The following DGKB variants were observed in gnomAD, a reference collection of about 807,000 sequenced individuals.
DGKB encodes the protein diacylglycerol kinase beta.
A neutral mutation model predicts 114.3 loss-of-function variants in DGKB; 67 were observed. That is an observed-to-expected ratio of 0.59 (90% CI 0.48 to 0.72). The LOEUF is 0.72. DGKB is among the 30% of genes least tolerant of loss of function. The probability of loss-of-function intolerance (pLI) is 0.00; values close to 1 mark genes in which losing one functional copy is unlikely to be tolerated. For missense variants in DGKB, 907 were observed against 975.2 expected (o/e 0.93, Z 0.93); for synonymous variants, 398 against 323.1 (o/e 1.23, Z -2.49).
At chr7:14,523,507 C>G (rs1217631610) in intron 20 of DGKB, among the ~76,000 whole-genome samples, 1 of 152,110 alleles carries the variant, frequency 6.6e-6, no homozygotes, top group African/African-American at 2.4e-5. Flanking sequence ...GTCTTCCATA[C>G]AGTAAGCTCA....
intron 17 of DGKB, among the ~76,000 whole-genome samples, chr7:14,589,132 G>T (rs1460281683): frequency 2.6e-5 from 4 of 151,802 alleles, no homozygotes; most frequent in Admixed American, 2.6e-4. Flanking sequence ...ATTCTTCGTT[G>T]TTTTGTGGTT....
In DGKB at chr7:14,651,249, A is replaced by G. The variant is rs545139282; in HGVS notation, c.1135-20981T>C. Among the ~76,000 whole-genome samples, 50 of 152,342 alleles carry G rather than the reference A, an allele frequency of 3.3e-4. No individual in the cohort carries two copies. The East Asian group carries it at 3.9e-3, about 12-fold the overall frequency. On this transcript the variant is annotated intron_variant, in intron 13 of 25. Coordinates refer to ENST00000402815, the MANE Select transcript of DGKB (RefSeq NM_001350709.2). Reference sequence around the variant, plus strand: ...TGAACATTGATGCAAAAAATCCTCAATAAAATACTGGCAAACCGAATCCAG... The same window carrying G: ...TGAACATTGATGCAAAAAATCCTCAGTAAAATACTGGCAAACCGAATCCAG...
In DGKB at chr7:14,145,726, G is replaced by C. The variant is rs981580184; in HGVS notation, c.*3405C>G. On this transcript the variant is annotated 3_prime_UTR_variant, in exon 26 of 26. Transcript: ENST00000402815. ...CCTGCCTCTGTCTCCCAAAGTGCTGGGATTACAGGCGTAAGCCATTGCGCC... is the reference window on the plus strand; with the variant it reads ...CCTGCCTCTGTCTCCCAAAGTGCTGCGATTACAGGCGTAAGCCATTGCGCC... 8 of 152,114 alleles carry C rather than the reference G, an allele frequency of 5.3e-5. No individual in the cohort carries two copies. The highest frequency in any genetic ancestry group is 1.9e-4 in the African/African-American group (8 of 41,408). 9.4% of individuals were successfully genotyped at this position (152,114 alleles called of 1,614,324 possible).
intron 1 of DGKB, among the ~76,000 whole-genome samples, chr7:14,841,679 CAATTTTTTAA>C (rs1225975272): frequency 2.0e-5 from 3 of 152,024 alleles, no homozygotes; most frequent in Non-Finnish European, 4.4e-5. Context: ...CAGTCTGTAC[CAATTTTTTAA>C]TATGTAAACA....
chr7:14,500,740 G>A (rs1786038321), intron 20 of DGKB, among the ~76,000 whole-genome samples: 1 of 151,812 alleles, frequency 6.6e-6, no homozygotes, highest in South Asian at 2.1e-4. Flanking sequence ...GAAGCTCAAA[G>A]GACCTTATGG....
At chr7:14,726,060 A>C (rs1829980670) in intron 5 of DGKB, among the ~76,000 whole-genome samples, 1 of 152,198 alleles carries the variant, frequency 6.6e-6, no homozygotes, top group Non-Finnish European at 1.5e-5. Context: ...ATCTAAGAAA[A>C]CAGAGGAGAG....
intron 1 of DGKB, among the ~76,000 whole-genome samples, chr7:14,917,449 C>T (rs1035766317): frequency 1.3e-5 from 2 of 151,910 alleles, no homozygotes; most frequent in East Asian, 3.9e-4. Context: ...GAGGTCATCA[C>T]TGATCCCATT....
At chr7:14,209,113 C>T (rs1475656608) in intron 23 of DGKB, 1 of 187,486 alleles carries the variant, frequency 5.3e-6, no homozygotes, top group East Asian at 1.7e-4. Context: ...GAGTGGGAAA[C>T]AAGCAGTCCT....
At chr7:14,239,407 G>A (rs966277386) in intron 23 of DGKB, among the ~76,000 whole-genome samples, 12 of 151,810 alleles carry the variant, frequency 7.9e-5, no homozygotes, top group Admixed American at 7.9e-4. Context: ...AAAACAGCTC[G>A]CTACTGTTTG....
chr7:14,616,158 G>T (rs1162816756), intron 15 of DGKB, among the ~76,000 whole-genome samples: 1 of 148,710 alleles, frequency 6.7e-6, no homozygotes, highest in Non-Finnish European at 1.5e-5. Flanking sequence ...ATTTACATTA[G>T]TATTTCCTAC....
chr7:14,725,237 C>T (rs1406431828), intron 5 of DGKB, among the ~76,000 whole-genome samples: 1 of 152,106 alleles, frequency 6.6e-6, no homozygotes, highest in African/African-American at 2.4e-5. Context: ...ATAAAATTAA[C>T]TACCTATGTC....
chr7:14,184,488 G>T (rs1375227689), intron 23 of DGKB, among the ~76,000 whole-genome samples: 1 of 152,130 alleles, frequency 6.6e-6, no homozygotes, highest in African/African-American at 2.4e-5. Context: ...AGCTGTGTGA[G>T]GCCTGTGACT....
At chr7:14,494,695 A>G (rs10236653) in intron 20 of DGKB, among the ~76,000 whole-genome samples, 82,294 of 151,704 alleles carry the variant, frequency 0.54, 22,892 homozygotes, top group East Asian at 0.82. Flanking sequence ...TGCAAAGTGA[A>G]TAGAAGGTTG....
intron 17 of DGKB, among the ~76,000 whole-genome samples, chr7:14,600,727 T>C (rs1302434337): frequency 6.6e-6 from 1 of 152,182 alleles, no homozygotes; most frequent in Non-Finnish European, 1.5e-5. Context: ...CATTAACTCT[T>C]GAAGCTGGGA....
At chr7:14,557,978 C>A (rs1796108429) in intron 20 of DGKB, among the ~76,000 whole-genome samples, 1 of 151,468 alleles carries the variant, frequency 6.6e-6, no homozygotes, top group African/African-American at 2.4e-5. Flanking sequence ...TTGCTGTAAT[C>A]AAATTTCTAA....
At chr7:14,347,122 C>G (rs1812608349) in intron 21 of DGKB, among the ~76,000 whole-genome samples, 1 of 151,848 alleles carries the variant, frequency 6.6e-6, no homozygotes, top group Non-Finnish European at 1.5e-5. Context: ...TTAAGGGAGG[C>G]AGGAAGGTAA....
intron 1 of DGKB, among the ~76,000 whole-genome samples, chr7:14,891,548 T>C (rs1781225409): frequency 1.3e-5 from 2 of 151,430 alleles, no homozygotes; most frequent in African/African-American, 2.4e-5. Flanking sequence ...AAAGTGACAA[T>C]AGGTATTGCT....
chr7:14,884,320 AT>A (rs1416479386), intron 1 of DGKB, among the ~76,000 whole-genome samples: 1 of 151,776 alleles, frequency 6.6e-6, no homozygotes, highest in Non-Finnish European at 1.5e-5. Context: ...TTAACTATCC[AT>A]TTTCCCTCAG....
chr7:14,951,184 G>A (rs955201036), intron 1 of DGKB, among the ~76,000 whole-genome samples: 5 of 151,930 alleles, frequency 3.3e-5, no homozygotes, highest in Non-Finnish European at 4.4e-5. Flanking sequence ...TTCCTGAGAT[G>A]GGAACAAGAC....
Sources: gnomAD v4.1 joint callset for allele counts (sites outside exome capture counted in the v4.1 genomes callset) on GRCh38, gnomAD v4.1.1 for gene constraint, MANE v1.5 for transcripts, NCBI Gene and HGNC (gene_info 2026-07-23, HGNC 2026-07-21) for gene names.